Variants in DNAH14 observed in about 807,000 individuals in gnomAD.
The protein encoded by DNAH14 is dynein axonemal heavy chain 14.
A neutral mutation model predicts 520.9 loss-of-function variants in DNAH14; 478 were observed. The ratio of observed to expected loss-of-function variants is 0.92; its 90% CI spans 0.85 to 0.99. DNAH14 has a LOEUF of 0.99. Among genes scored for constraint, DNAH14 ranks in the 50% least tolerant of loss-of-function variants. The probability of loss-of-function intolerance (pLI) is 0.00; values close to 1 mark genes in which losing one functional copy is unlikely to be tolerated. For synonymous variants in DNAH14, 1,581 were observed against 1,757.2 expected, an observed-to-expected ratio of 0.90 and a Z score of 2.51; for missense variants, 4,831 against 5,234.5, an observed-to-expected ratio of 0.92 and a Z score of 2.38.
At chr1:225,360,469 T>G (rs2095480415) in intron 74 of DNAH14, among the ~76,000 whole-genome samples, 1 of 152,224 alleles carries the variant, frequency 6.6e-6, no homozygotes, top group Non-Finnish European at 1.5e-5. Context: ...CAGCAGGTGC[T>G]GCTGTCGTTA....
intron 8 of DNAH14, among the ~76,000 whole-genome samples, chr1:224,989,361 T>G (rs983360484): frequency 7.2e-5 from 11 of 152,226 alleles, no homozygotes; most frequent in African/African-American, 2.7e-4. Context: ...TTAATTTACA[T>G]GTTCATGCAT....
At chr1:225,133,914 G>T (rs561500330) in intron 27 of DNAH14, among the ~76,000 whole-genome samples, 2 of 152,086 alleles carry the variant, frequency 1.3e-5, no homozygotes, top group African/African-American at 4.8e-5. Flanking sequence ...GCAGTGGTTT[G>T]TAGTTCTCCT....
chr1:225,309,414 G>GA (rs1303044040), intron 60 of DNAH14, among the ~76,000 whole-genome samples: 1 of 152,138 alleles, frequency 6.6e-6, no homozygotes, highest in Non-Finnish European at 1.5e-5. Flanking sequence ...TCCCTCACTT[G>GA]GATACGAGTA....
chr1:225,206,175 A>C lies in DNAH14; in HGVS notation c.6182A>C (p.Tyr2061Ser), dbSNP rs929471758. ...ACTGTCAGCCGATGTGCCATGGTCT[A>C]TATGGTAAGCTTTCAAAAACAAATG... is the stretch of plus-strand genomic sequence containing the variant. ...PATVSRCAMV[Y>S]MDPVDLGWEP... Residue 2061 changes from tyrosine to serine, a missense_variant, in exon 40 of 86, where the codon TAT (tyrosine) becomes TCT (serine). Physicochemically the swap from Tyr to Ser is moderately radical, Grantham distance 144. Coordinates refer to ENST00000682510, the MANE Select transcript of DNAH14 (RefSeq NM_001367479.1). 1 of 1,540,824 alleles carries C rather than the reference A, an allele frequency of 6.5e-7. No individual in the cohort carries two copies. Among genetic ancestry groups the C allele is most frequent in the African/African-American group, 1.4e-5 (1 of 72,866 alleles).
chr1:225,244,099 AT>A (rs1366383240), intron 43 of DNAH14, among the ~76,000 whole-genome samples: 3 of 151,936 alleles, frequency 2.0e-5, no homozygotes, highest in Non-Finnish European at 2.9e-5. Flanking sequence ...ATCTATTGAG[AT>A]AATCATATGT....
chr1:225,197,564 C>G (rs1157471956), intron 38 of DNAH14, among the ~76,000 whole-genome samples: 2 of 151,958 alleles, frequency 1.3e-5, no homozygotes, highest in African/African-American at 4.8e-5. Flanking sequence ...ATTGTTTTTT[C>G]TAGTTCTGTG....
rs1288356088 is a variant in DNAH14, at chr1:225,271,963, A to G, written c.7729A>G (p.Lys2577Glu). 1 of 1,550,424 alleles carries G rather than the reference A, an allele frequency of 6.4e-7. No individual in the cohort carries two copies. The highest frequency in any genetic ancestry group is 1.4e-5 in the African/African-American group (1 of 73,018). Residue 2577 changes from lysine (K) to glutamate (E), a missense_variant, in exon 51 of 86, where the codon AAG (lysine) becomes GAG (glutamate). Transcript: ENST00000682510. ...CTTCACACCTGAAGTTCAGAAAAGT[A>G]AGGATCAGATAATATCTTGTTCCCT... ...NNFTPEVQKS[K>E]DQIISCSLAI...
chr1:225,203,878 A>C (rs2087189268), intron 38 of DNAH14, among the ~76,000 whole-genome samples: 1 of 152,216 alleles, frequency 6.6e-6, no homozygotes, highest in South Asian at 2.1e-4. Context: ...GTCTGTGGGT[A>C]ATGGAAATTC....
At chr1:225,351,124 C>T (rs1200300263) in intron 71 of DNAH14, among the ~76,000 whole-genome samples, 11 of 152,182 alleles carry the variant, frequency 7.2e-5, no homozygotes, top group Admixed American at 7.2e-4. Context: ...TTAAGATTGG[C>T]TGGGTGCAGT....
intron 41 of DNAH14, among the ~76,000 whole-genome samples, chr1:225,221,376 C>A (rs1325564968): frequency 1.3e-5 from 2 of 152,182 alleles, no homozygotes. Flanking sequence ...AGGCAACCTA[C>A]AGATTGGGAG....
At position 225,038,792 on chromosome 1, in the gene DNAH14, C is replaced by A; in HGVS notation, c.1457C>A (p.Ser486Ter). ...TTACATGCTATTTCTGTTCAAAAGTCAGAAGTAAAAACAGACACTGATATT... is the reference window on the plus strand; with the variant it reads ...TTACATGCTATTTCTGTTCAAAAGTAAGAAGTAAAAACAGACACTGATATT... ...SKLHAISVQK[S>*]EVKTDTDINE... The change falls in exon 12 of 86, where the codon TCA becomes TAA. Residue 486 changes from serine (S) to a stop codon, truncating the protein, a stop_gained. Coordinates refer to ENST00000682510, the MANE Select transcript of DNAH14 (RefSeq NM_001367479.1). LOFTEE classifies it high-confidence loss of function. The A allele has an allele frequency of 2.0e-6, 3 of 1,507,636 alleles. No individual in the cohort carries two copies. Among genetic ancestry groups the A allele is most frequent in the South Asian group, 2.7e-5 (2 of 75,394 alleles). The allele number at this position is 1,507,636 out of a possible 1,614,324, so 93.4% of individuals were successfully genotyped here. A position where few individuals can be genotyped will look rare whatever the true frequency, so the allele number is the denominator to read the frequency against.
chr1:225,042,714 A>G (rs2067593688), intron 12 of DNAH14, 121 bp from the exon 13 acceptor site: 2 of 1,038,348 alleles, frequency 1.9e-6, no homozygotes, highest in South Asian at 1.8e-5. Flanking sequence ...TTGGTAATAC[A>G]GTGTTACTCG....
At chr1:225,363,566 G>T (rs185893075) in intron 75 of DNAH14, among the ~76,000 whole-genome samples, 553 of 152,212 alleles carry the variant, frequency 3.6e-3, no homozygotes, top group Non-Finnish European at 5.9e-3. Flanking sequence ...TCCTCAGTCT[G>T]CCTTTGTCTT....
At position 225,335,449 on chromosome 1, in the gene DNAH14, A is replaced by G. The variant is rs1367333421; in HGVS notation, c.10081-1817A>G. Among the ~76,000 whole-genome samples the G allele has an allele frequency of 1.5e-5, 2 of 132,418 alleles. 1 individual carries two copies. Among genetic ancestry groups the G allele is most frequent in the African/African-American group, 5.6e-5 (2 of 35,756 alleles). 86.9% of individuals were successfully genotyped at this position (132,418 alleles called of 152,430 possible). ...CACGTGTGTACATGTGTGTGTATGC[A>G]CATATGCACGTGTGTACATGTGTGT... is the stretch of plus-strand genomic sequence containing the variant. On this transcript the variant is annotated intron_variant, in intron 66 of 85. Coordinates refer to ENST00000682510, the MANE Select transcript of DNAH14 (RefSeq NM_001367479.1).
At chr1:225,008,127 A>G (rs899349577) in intron 10 of DNAH14, among the ~76,000 whole-genome samples, 2 of 150,542 alleles carry the variant, frequency 1.3e-5, no homozygotes, top group African/African-American at 4.9e-5. Flanking sequence ...CCCTGTGCCC[A>G]TATGTTCTCA....
At position 225,279,622 on chromosome 1, in the gene DNAH14, T is replaced by A. The variant is rs114343162; in HGVS notation, c.8271+2120T>A. Among the ~76,000 whole-genome samples, 718 of 152,294 alleles carry A rather than the reference T, an allele frequency of 4.7e-3. 4 individuals carry two copies. The highest frequency in any genetic ancestry group is 0.016 in the African/African-American group (682 of 41,576). On this transcript the variant is annotated intron_variant, in intron 54 of 85. Transcript: ENST00000682510. ...TATTACATAGTTCAATTGGATTACA[T>A]TGTTGAACTACCAGAACTACCAGAG...
chr1:225,384,810 C>G (rs2095821473), intron 81 of DNAH14, among the ~76,000 whole-genome samples: 1 of 152,202 alleles, frequency 6.6e-6, no homozygotes, highest in African/African-American at 2.4e-5. Flanking sequence ...CAAAGAGGAG[C>G]TGGTACCATT....
chr1:225,282,076 G>A (rs995156636), intron 54 of DNAH14, among the ~76,000 whole-genome samples: 9 of 152,112 alleles, frequency 5.9e-5, no homozygotes, highest in Non-Finnish European at 1.2e-4. Context: ...AGATGTACAC[G>A]CTAAATATAT....
At chr1:225,132,244 T>C (rs2078498179) in intron 27 of DNAH14, among the ~76,000 whole-genome samples, 1 of 152,020 alleles carries the variant, frequency 6.6e-6, no homozygotes, top group South Asian at 2.1e-4. Flanking sequence ...ATGTGCAGGA[T>C]GTTCAGGTTT....
Sources: allele counts gnomAD v4.1 joint callset (sites outside exome capture counted in the v4.1 genomes callset), GRCh38; gene constraint gnomAD v4.1.1; transcripts MANE v1.5; gene names NCBI Gene and HGNC (gene_info 2026-07-23, HGNC 2026-07-21).